Variants in KHDRBS2 observed in about 807,000 individuals in gnomAD.
KHDRBS2 encodes the protein KH RNA binding domain containing, signal transduction associated 2, also known as KH domain-containing, RNA-binding, signal transduction-associated protein 2.
Under a neutral mutation model 44.3 loss-of-function variants are expected in KHDRBS2, and 26 were observed. That is an observed-to-expected ratio of 0.59 (90% CI 0.43 to 0.81). The LOEUF is 0.81. Ranked by LOEUF, KHDRBS2 falls within the 40% of genes least tolerant of loss-of-function variation. KHDRBS2 has a pLI of 0.00. For synonymous variants in KHDRBS2, 194 were observed against 151.1 expected, an observed-to-expected ratio of 1.28 and a Z score of -2.08; for missense variants, 476 against 433.1, an observed-to-expected ratio of 1.10 and a Z score of -0.88.
the KHDRBS2 span, among the ~76,000 whole-genome samples, chr6:61,565,475 A>C: frequency 6.6e-6 from 1 of 152,176 alleles, no homozygotes; most frequent in Non-Finnish European, 1.5e-5. Context: ...TAGCAAAAAA[A>C]CAAATAATTT....
At chr6:61,645,378 T>G in the KHDRBS2 span, among the ~76,000 whole-genome samples, 1 of 151,910 alleles carries the variant, frequency 6.6e-6, no homozygotes, top group East Asian at 1.9e-4. Flanking sequence ...GCTTAGCACC[T>G]GAGTGATTTA....
chr6:61,900,880 G>C (rs534457838), intron 5 of KHDRBS2, among the ~76,000 whole-genome samples: 1 of 152,254 alleles, frequency 6.6e-6, no homozygotes, highest in Admixed American at 6.5e-5. Context: ...TAATCCTGAG[G>C]ATAGAACAGT....
At chr6:61,769,250 G>T (rs1400579517) in intron 6 of KHDRBS2, among the ~76,000 whole-genome samples, 1 of 152,130 alleles carries the variant, frequency 6.6e-6, no homozygotes, top group African/African-American at 2.4e-5. Context: ...CAGAACACGG[G>T]TGATTTCGGC....
chr6:61,697,601 C>T (rs529446672), intron 7 of KHDRBS2, among the ~76,000 whole-genome samples: 2 of 152,164 alleles, frequency 1.3e-5, no homozygotes, highest in African/African-American at 2.4e-5. Flanking sequence ...TCTGGTCAAT[C>T]ATGTATAGCT....
At chr6:61,965,971 T>G (rs1038253588) in intron 4 of KHDRBS2, among the ~76,000 whole-genome samples, 1 of 152,010 alleles carries the variant, frequency 6.6e-6, no homozygotes, top group Non-Finnish European at 1.5e-5. Context: ...AGATAAGAAG[T>G]TTAGGGTCAA....
chr6:61,786,378 A>C (rs1783811124), intron 6 of KHDRBS2, among the ~76,000 whole-genome samples: 1 of 152,044 alleles, frequency 6.6e-6, no homozygotes, highest in South Asian at 2.1e-4. Context: ...ACTGAATATA[A>C]CATTTTATTT....
At chr6:62,055,453 A>G (rs549728443) in intron 2 of KHDRBS2, among the ~76,000 whole-genome samples, 1 of 152,180 alleles carries the variant, frequency 6.6e-6, no homozygotes, top group Non-Finnish European at 1.5e-5. Flanking sequence ...CAGAGTGTGG[A>G]GAAACATGTA....
chr6:62,036,793 G>T (rs1054495946), intron 3 of KHDRBS2, among the ~76,000 whole-genome samples: 1 of 151,894 alleles, frequency 6.6e-6, no homozygotes, highest in Non-Finnish European at 1.5e-5. Flanking sequence ...GCAAATTACT[G>T]TTTCATGGGC....
the KHDRBS2 span, among the ~76,000 whole-genome samples, chr6:61,651,944 T>C: frequency 6.6e-6 from 1 of 152,128 alleles, no homozygotes; most frequent in South Asian, 2.1e-4. Flanking sequence ...ATAGATTTCA[T>C]TTGTGGGTAG....
At chr6:61,621,561 G>C in the KHDRBS2 span, among the ~76,000 whole-genome samples, 1 of 152,294 alleles carries the variant, frequency 6.6e-6, no homozygotes, top group South Asian at 2.1e-4. Flanking sequence ...AATGAGGTCT[G>C]TTCCAATAAG....
At chr6:61,902,443 T>C (rs1193373430) in intron 4 of KHDRBS2, among the ~76,000 whole-genome samples, 1 of 152,034 alleles carries the variant, frequency 6.6e-6, no homozygotes, top group African/African-American at 2.4e-5. Context: ...GCTGAATCAT[T>C]ACAGGTAAAT....
At chr6:62,225,389 TAATC>T (rs948949883) in intron 1 of KHDRBS2, among the ~76,000 whole-genome samples, 3 of 152,228 alleles carry the variant, frequency 2.0e-5, no homozygotes, top group African/African-American at 7.2e-5. Flanking sequence ...ATTGTGGACT[TAATC>T]TATTAATCAG....
At chr6:62,223,287 C>G (rs1021257352) in intron 1 of KHDRBS2, among the ~76,000 whole-genome samples, 1 of 152,310 alleles carries the variant, frequency 6.6e-6, no homozygotes, top group Middle Eastern at 3.4e-3. Context: ...AGCTATGGTG[C>G]GAGCTCTGCA....
rs80332374 is a variant in KHDRBS2, at chr6:61,933,771, A to G, written c.484-32400T>C. Among the ~76,000 whole-genome samples the G allele has an allele frequency of 8.7e-3, 1,321 of 152,330 alleles. 49 individuals carry two copies. In the South Asian group the frequency reaches 0.097, roughly 11 times the overall value. Reference sequence around the variant, plus strand: ...TGAGACCACCGTGTATATGAAATCTATAATTGAATGAAATATTGTTATGCA... The same window carrying G: ...TGAGACCACCGTGTATATGAAATCTGTAATTGAATGAAATATTGTTATGCA... On this transcript the variant is annotated intron_variant, in intron 4 of 8. Transcript: ENST00000281156.
At chr6:62,051,257 T>C (rs2127312517) in intron 2 of KHDRBS2, among the ~76,000 whole-genome samples, 1 of 152,196 alleles carries the variant, frequency 6.6e-6, no homozygotes, top group Non-Finnish European at 1.5e-5. Context: ...GCAAATAGCA[T>C]TTTAATTGAG....
intron 4 of KHDRBS2, among the ~76,000 whole-genome samples, chr6:61,960,989 T>C (rs1768568934): frequency 6.6e-6 from 1 of 152,100 alleles, no homozygotes; most frequent in Non-Finnish European, 1.5e-5. Flanking sequence ...ATTGAAGTAG[T>C]GTTCAGTTTA....
At position 61,951,948 on chromosome 6, in the gene KHDRBS2, GAAA is replaced by G. The variant is rs199690742; in HGVS notation, c.483+26115_483+26117del. On this transcript the variant is annotated intron_variant, in intron 4 of 8. Coordinates refer to ENST00000281156, the MANE Select transcript of KHDRBS2 (RefSeq NM_152688.4). ...GTTAAACATTATCTGTACAATCAAAGAAAGCCACTCCTTAGACCAAGAGCTAAA... is the reference window on the plus strand; with the variant it reads ...GTTAAACATTATCTGTACAATCAAAGGCCACTCCTTAGACCAAGAGCTAAA... Among the ~76,000 whole-genome samples the G allele has an allele frequency of 2.2e-3, 341 of 151,978 alleles. 12 individuals are homozygous for G. The East Asian group carries it at 0.06, about 27-fold the overall frequency.
chr6:62,168,568 A>G (rs955021336), intron 2 of KHDRBS2, among the ~76,000 whole-genome samples: 5 of 152,154 alleles, frequency 3.3e-5, no homozygotes, highest in African/African-American at 1.2e-4. Flanking sequence ...CCATTTAGGT[A>G]TATCTTGGTT....
At chr6:61,920,282 C>A (rs1027325838) in intron 4 of KHDRBS2, among the ~76,000 whole-genome samples, 2 of 151,670 alleles carry the variant, frequency 1.3e-5, no homozygotes, top group Admixed American at 1.3e-4. Flanking sequence ...CATTCTGGGG[C>A]CTAAATTTAC....
Sources: allele counts gnomAD v4.1 joint callset (sites outside exome capture counted in the v4.1 genomes callset), GRCh38; gene constraint gnomAD v4.1.1; transcripts MANE v1.5; gene names NCBI Gene and HGNC (gene_info 2026-07-23, HGNC 2026-07-21).